The following PCDH9 variants were observed in gnomAD, a reference collection of about 807,000 sequenced individuals.
PCDH9 encodes protocadherin 9.
Under a neutral mutation model 70.6 loss-of-function variants are expected in PCDH9, and 24 were observed. The observed-to-expected ratio is 0.34, with a 90% CI of 0.25 to 0.48. The LOEUF (loss-of-function observed/expected upper bound fraction) is 0.48, where lower values mean the gene tolerates loss of function less well. Among genes scored for constraint, PCDH9 ranks in the 20% least tolerant of loss-of-function variants. The pLI is 0.99. For synonymous variants in PCDH9, 562 were observed against 558.5 expected (o/e 1.01, Z -0.09); for missense variants, 1,281 against 1,503.6 (o/e 0.85, Z 2.45).
intron 3 of PCDH9, among the ~76,000 whole-genome samples, chr13:66,750,791 T>C (rs2079445147): frequency 6.6e-6 from 1 of 151,360 alleles, no homozygotes; most frequent in Admixed American, 6.6e-5. Context: ...AATATAAAAA[T>C]AAAAAGAGCA....
chr13:66,703,203 A>G (rs1335914397), intron 3 of PCDH9, among the ~76,000 whole-genome samples: 1 of 142,704 alleles, frequency 7.0e-6, no homozygotes, highest in African/African-American at 2.6e-5. Flanking sequence ...GTATTGTATT[A>G]TCACTGCTGT....
chr13:66,758,902 G>A (rs1306086775), intron 3 of PCDH9, among the ~76,000 whole-genome samples: 1 of 151,826 alleles, frequency 6.6e-6, no homozygotes, highest in African/African-American at 2.4e-5. Context: ...TATCCAATTT[G>A]TTGGCAGGTA....
chr13:66,565,920 A>G (rs1468285249), intron 4 of PCDH9, among the ~76,000 whole-genome samples: 2 of 152,172 alleles, frequency 1.3e-5, no homozygotes, highest in Admixed American at 1.3e-4. Flanking sequence ...TGATGGAAAG[A>G]GCCTAAATAA....
intron 2 of PCDH9, among the ~76,000 whole-genome samples, chr13:67,142,771 C>G (rs976536158): frequency 6.6e-6 from 1 of 150,408 alleles, no homozygotes; most frequent in Non-Finnish European, 1.5e-5. Flanking sequence ...GAGGCCGAGG[C>G]GGGCGGACCA....
intron 4 of PCDH9, among the ~76,000 whole-genome samples, chr13:66,467,972 A>T (rs1313284617): frequency 6.6e-6 from 1 of 151,998 alleles, no homozygotes; most frequent in Non-Finnish European, 1.5e-5. Flanking sequence ...GAGACCTAGT[A>T]ACACTTTGTC....
At chr13:66,985,048 C>T (rs2083861524) in intron 2 of PCDH9, among the ~76,000 whole-genome samples, 1 of 151,996 alleles carries the variant, frequency 6.6e-6, no homozygotes, top group Non-Finnish European at 1.5e-5. Flanking sequence ...TTATTGCTTG[C>T]CTGGATCATT....
At chr13:67,145,079 CAG>C (rs551688739) in intron 2 of PCDH9, among the ~76,000 whole-genome samples, 2 of 152,150 alleles carry the variant, frequency 1.3e-5, no homozygotes, top group Non-Finnish European at 2.9e-5. Flanking sequence ...CATAGAATAA[CAG>C]GGGAATGAAA....
At chr13:66,716,835 C>T (rs1232149503) in intron 3 of PCDH9, among the ~76,000 whole-genome samples, 5 of 152,140 alleles carry the variant, frequency 3.3e-5, no homozygotes, top group Non-Finnish European at 7.4e-5. Context: ...GAACAGGCCT[C>T]TTCAAAGCCT....
At chr13:66,906,136 T>C (rs897379819) in intron 2 of PCDH9, among the ~76,000 whole-genome samples, 6 of 152,158 alleles carry the variant, frequency 3.9e-5, no homozygotes, top group Non-Finnish European at 8.8e-5. Flanking sequence ...ACATGCCACC[T>C]GAAAATGTAT....
At chr13:67,118,715 T>C (rs2086823997) in intron 2 of PCDH9, among the ~76,000 whole-genome samples, 2 of 152,148 alleles carry the variant, frequency 1.3e-5, no homozygotes, top group South Asian at 4.1e-4. Context: ...TAGTATTCAA[T>C]GAAAGATTGG....
chr13:66,530,564 T>C (rs537380082), intron 4 of PCDH9, among the ~76,000 whole-genome samples: 2 of 152,158 alleles, frequency 1.3e-5, no homozygotes, highest in South Asian at 2.1e-4. Flanking sequence ...ATCAATCTAG[T>C]ATCACAGTAA....
intron 3 of PCDH9, among the ~76,000 whole-genome samples, chr13:66,886,737 T>A (rs2082010570): frequency 6.6e-6 from 1 of 152,152 alleles, no homozygotes; most frequent in African/African-American, 2.4e-5. Context: ...GTGATATGGA[T>A]GTGTGTGGGT....
At chr13:66,762,622 T>C (rs1357424472) in intron 3 of PCDH9, among the ~76,000 whole-genome samples, 1 of 152,074 alleles carries the variant, frequency 6.6e-6, no homozygotes, top group Non-Finnish European at 1.5e-5. Context: ...CTGGTTTCCT[T>C]ACCTCTTGTC....
chr13:66,471,093 C>T (rs1958611341), intron 4 of PCDH9, among the ~76,000 whole-genome samples: 1 of 151,862 alleles, frequency 6.6e-6, no homozygotes, highest in Admixed American at 6.6e-5. Context: ...AGCCAGATCA[C>T]CAAAGAACGC....
At chr13:67,143,816 C>G (rs1163286547) in intron 2 of PCDH9, among the ~76,000 whole-genome samples, 4 of 152,064 alleles carry the variant, frequency 2.6e-5, no homozygotes, top group East Asian at 1.9e-4. Context: ...ATTTGAAACT[C>G]TATGTTAAAT....
At chr13:66,802,080 C>A (rs767273299) in intron 3 of PCDH9, among the ~76,000 whole-genome samples, 2 of 151,514 alleles carry the variant, frequency 1.3e-5, no homozygotes, top group Non-Finnish European at 2.9e-5. Context: ...AATGGCAATA[C>A]AACTTCTAAA....
rs561202456 is a variant in PCDH9 at position 67,023,452 on chromosome 13, G to A, written c.3037-119847C>T. Among the ~76,000 whole-genome samples the A allele has an allele frequency of 2.6e-5, 4 of 152,010 alleles. No individual in the cohort carries two copies. In the South Asian group the frequency reaches 8.3e-4, roughly 31 times the overall value. ...TAATCAACTTCCAGGAAATAGGAAA[G>A]CACATAAAATAAAGACATTTTGAAG... On this transcript the variant is annotated intron_variant, in intron 2 of 4. Coordinates refer to ENST00000377865, the MANE Select transcript of PCDH9 (RefSeq NM_203487.3).
At chr13:66,406,813 A>G (rs1318630633) in intron 4 of PCDH9, among the ~76,000 whole-genome samples, 2 of 152,224 alleles carry the variant, frequency 1.3e-5, no homozygotes, top group Non-Finnish European at 2.9e-5. Context: ...CAAGATGCAT[A>G]TATATATTAA....
intron 4 of PCDH9, among the ~76,000 whole-genome samples, chr13:66,421,910 A>G (rs1441123818): frequency 2.6e-5 from 4 of 152,190 alleles, no homozygotes; most frequent in African/African-American, 7.2e-5. Flanking sequence ...TATTCAGGAG[A>G]CCCATCTCAT....
Sources: allele counts gnomAD v4.1 joint callset (sites outside exome capture counted in the v4.1 genomes callset), GRCh38; gene constraint gnomAD v4.1.1; transcripts MANE v1.5; gene names NCBI Gene and HGNC (gene_info 2026-07-23, HGNC 2026-07-21).